Variants in STAU2 observed in about 807,000 individuals in gnomAD.
STAU2 encodes the protein staufen double-stranded RNA binding protein 2.
A neutral mutation model predicts 65.9 loss-of-function variants in STAU2; 20 were observed. The ratio of observed to expected loss-of-function variants is 0.30; its 90% CI spans 0.21 to 0.44. The LOEUF is 0.44. Among genes scored for constraint, STAU2 ranks in the 20% least tolerant of loss-of-function variants. The probability of loss-of-function intolerance (pLI) is 1.00; values close to 1 mark genes in which losing one functional copy is unlikely to be tolerated. For synonymous variants in STAU2, 232 were observed against 233.9 expected, an observed-to-expected ratio of 0.99 and a Z score of 0.07; for missense variants, 558 against 683.9, an observed-to-expected ratio of 0.82 and a Z score of 2.05.
chr8:73,527,460 C>T (rs1805520219), intron 13 of STAU2: 1 of 359,928 alleles, frequency 2.8e-6, no homozygotes, highest in Non-Finnish European at 5.1e-6. Flanking sequence ...AAAATAATTC[C>T]ATATTTAAAA....
intron 13 of STAU2, among the ~76,000 whole-genome samples, chr8:73,534,074 T>C (rs960427348): frequency 5.3e-5 from 8 of 152,226 alleles, no homozygotes; most frequent in East Asian, 3.8e-4. Flanking sequence ...ATGTGATACA[T>C]AGCACAATCA....
chr8:73,590,721 G>C (rs932315279), intron 11 of STAU2: 4 of 152,618 alleles, frequency 2.6e-5, no homozygotes, highest in African/African-American at 9.7e-5. Flanking sequence ...GAGGTGTGTG[G>C]CTTCCCCCTG....
At chr8:73,598,865 AAGT>A (rs1226593515) in intron 10 of STAU2, among the ~76,000 whole-genome samples, 3 of 152,194 alleles carry the variant, frequency 2.0e-5, no homozygotes, top group African/African-American at 7.2e-5. Flanking sequence ...ATCCACATTC[AAGT>A]AGAAGATGAA....
intron 1 of STAU2, among the ~76,000 whole-genome samples, chr8:73,744,932 C>A (rs552969720): frequency 6.6e-6 from 1 of 152,296 alleles, no homozygotes; most frequent in African/African-American, 2.4e-5. Flanking sequence ...AAAAATTACA[C>A]AGCATTTTAT....
chr8:73,441,122 T>G (rs916140314), intron 13 of STAU2: 2 of 152,394 alleles, frequency 1.3e-5, no homozygotes, highest in Non-Finnish European at 2.9e-5. Context: ...ACTCCTACCC[T>G]TATATTCTCA....
chr8:73,570,179 T>G (rs1808943757), intron 12 of STAU2, among the ~76,000 whole-genome samples: 1 of 152,198 alleles, frequency 6.6e-6, no homozygotes, highest in African/African-American at 2.4e-5. Context: ...TGCACAAGCT[T>G]CAGTACTGAT....
chr8:73,436,276 GTT>G (rs1282951195), intron 13 of STAU2, among the ~76,000 whole-genome samples: 1 of 151,698 alleles, frequency 6.6e-6, no homozygotes, highest in Non-Finnish European at 1.5e-5. Context: ...GGTAAAGGCA[GTT>G]TCTCTCAGTG....
At chr8:73,614,021 CTTAATA>C in intron 8 of STAU2, 65 bp from the exon 9 acceptor site, 1 of 1,322,294 alleles carries the variant, frequency 7.6e-7, no homozygotes, top group East Asian at 2.6e-5. Context: ...TAAAGTATGA[CTTAATA>C]TTCATATCAA....
At chr8:73,582,701 C>T (rs1027170994) in intron 12 of STAU2, 69 bp downstream of exon 12, 92 of 1,474,870 alleles carry the variant, frequency 6.2e-5, no homozygotes, top group Middle Eastern at 5.2e-4. Flanking sequence ...CCCAACCAAT[C>T]CCAGTGACAG....
chr8:73,475,335 G>A (rs1160063395), intron 13 of STAU2, among the ~76,000 whole-genome samples: 5 of 152,182 alleles, frequency 3.3e-5, no homozygotes, highest in Non-Finnish European at 7.3e-5. Context: ...TTGCTTTGAC[G>A]TGTGCTCTGA....
At chr8:73,653,348 T>C (rs997956809) in intron 6 of STAU2, 2 of 152,190 alleles carry the variant, frequency 1.3e-5, no homozygotes, top group African/African-American at 2.4e-5. Context: ...ATAAAAAATA[T>C]ATGCCATAAC....
chr8:73,745,186 C>T (rs531008173), intron 1 of STAU2, among the ~76,000 whole-genome samples: 1 of 152,298 alleles, frequency 6.6e-6, no homozygotes, highest in African/African-American at 2.4e-5. Context: ...AACTGCTTCG[C>T]AAATTTAATA....
intron 13 of STAU2, among the ~76,000 whole-genome samples, chr8:73,449,648 C>T (rs2128894482): frequency 6.6e-6 from 1 of 152,320 alleles, no homozygotes; most frequent in Admixed American, 6.5e-5. Flanking sequence ...GAAGGCCTGT[C>T]TGCCCTGGGG....
At chr8:73,637,745 C>CA (rs148464650) in intron 6 of STAU2, among the ~76,000 whole-genome samples, 1 of 151,436 alleles carries the variant, frequency 6.6e-6, no homozygotes, top group Admixed American at 6.6e-5. Context: ...AAAAACAAAA[C>CA]AAAAAAAGGG....
At chr8:73,434,748 C>T (rs1817569036) in intron 13 of STAU2, among the ~76,000 whole-genome samples, 1 of 151,222 alleles carries the variant, frequency 6.6e-6, no homozygotes, top group Non-Finnish European at 1.5e-5. Flanking sequence ...AAATTCTTTA[C>T]ACTCCCTTTC....
At chr8:73,597,829 A>G (rs888301263) in intron 10 of STAU2, among the ~76,000 whole-genome samples, 1 of 152,190 alleles carries the variant, frequency 6.6e-6, no homozygotes, top group African/African-American at 2.4e-5. Flanking sequence ...TAATGAAATC[A>G]AACCATAATT....
intron 6 of STAU2, among the ~76,000 whole-genome samples, chr8:73,622,123 ATTT>A (rs71269924): frequency 7.9e-5 from 2 of 25,202 alleles, no homozygotes; most frequent in Non-Finnish European, 1.5e-4. Context: ...TGCCCAGCTA[ATTT>A]TTTTTTTTTT....
chr8:73,639,254 C>T (rs1168325526), intron 6 of STAU2, among the ~76,000 whole-genome samples: 1 of 151,862 alleles, frequency 6.6e-6, no homozygotes, highest in African/African-American at 2.4e-5. Flanking sequence ...ATATTTTATT[C>T]AATTTATCTT....
At chr8:73,595,819 T>C (rs1811140261) in intron 10 of STAU2, among the ~76,000 whole-genome samples, 1 of 152,090 alleles carries the variant, frequency 6.6e-6, no homozygotes, top group Admixed American at 6.5e-5. Context: ...ACATTATGAT[T>C]AAAAACAAGG....
Sources: allele counts gnomAD v4.1 joint callset (sites outside exome capture counted in the v4.1 genomes callset), GRCh38; gene constraint gnomAD v4.1.1; transcripts MANE v1.5; gene names NCBI Gene and HGNC (gene_info 2026-07-23, HGNC 2026-07-21).